ZFHX3: variants seen among roughly 807,000 people sequenced by gnomAD.
ZFHX3 encodes zinc finger homeobox 3.
In ZFHX3, 42 loss-of-function variants were observed where a neutral mutation model predicts 279.1. The observed-to-expected ratio is 0.15, with a 90% CI of 0.12 to 0.19. ZFHX3 has a LOEUF of 0.19. Among genes scored for constraint, ZFHX3 ranks in the 10% least tolerant of loss-of-function variants. The pLI, the probability that ZFHX3 is intolerant of heterozygous loss-of-function variation, is 1.00. For missense variants in ZFHX3, 4,981 were observed against 4,754.0 expected (o/e 1.05, Z -1.40); for synonymous variants, 2,293 against 1,957.8 (o/e 1.17, Z -4.52).
chr16:73,863,678 G>A (rs1488072778), intron 1 of ZFHX3, among the ~76,000 whole-genome samples: 1 of 152,152 alleles, frequency 6.6e-6, no homozygotes, highest in East Asian at 1.9e-4. Context: ...GGTCATGTGT[G>A]CATATACCTT....
intron 3 of ZFHX3, among the ~76,000 whole-genome samples, chr16:73,326,147 C>T (rs2015684401): frequency 6.6e-6 from 1 of 152,146 alleles, no homozygotes; most frequent in Non-Finnish European, 1.5e-5. Flanking sequence ...TCAGGGTCTG[C>T]AGTATTGACA....
At chr16:73,686,948 A>G (rs7187765) in intron 1 of ZFHX3, among the ~76,000 whole-genome samples, 125,713 of 142,704 alleles carry the variant, frequency 0.88, 56,778 homozygotes, top group Non-Finnish European at 0.97. Context: ...TTCCAGAGAG[A>G]CAGAGCTTAA....
chr16:72,975,677 T>A (rs1303062676), intron 1 of ZFHX3, among the ~76,000 whole-genome samples: 1 of 152,146 alleles, frequency 6.6e-6, no homozygotes, highest in Non-Finnish European at 1.5e-5. Context: ...AAAGGAAAAT[T>A]TCTTCTTGAA....
chr16:72,811,524 A>G, intron 7 of ZFHX3, 53 bp downstream of exon 7: 2 of 1,474,258 alleles, frequency 1.4e-6, no homozygotes, highest in Non-Finnish European at 1.8e-6. Context: ...ATGTTACTGC[A>G]TCACCTTTGA....
intron 4 of ZFHX3, among the ~76,000 whole-genome samples, chr16:72,833,926 T>C (rs2037124041): frequency 6.6e-6 from 1 of 152,176 alleles, no homozygotes; most frequent in Admixed American, 6.5e-5. Flanking sequence ...TTCATTTCCA[T>C]GTTCAACAGT....
At chr16:73,871,763 C>G (rs961418690) in intron 1 of ZFHX3, among the ~76,000 whole-genome samples, 4 of 152,102 alleles carry the variant, frequency 2.6e-5, no homozygotes, top group Admixed American at 6.6e-5. Context: ...CTATTAGATA[C>G]CTCTGGTGGT....
intron 3 of ZFHX3, among the ~76,000 whole-genome samples, chr16:72,949,395 G>A (rs1423886429): frequency 6.6e-6 from 1 of 152,116 alleles, no homozygotes; most frequent in African/African-American, 2.4e-5. Context: ...ATCAGGCCAG[G>A]GAGATTTATG....
chr16:73,495,984 G>A (rs2019134455), intron 2 of ZFHX3, among the ~76,000 whole-genome samples: 1 of 152,156 alleles, frequency 6.6e-6, no homozygotes, highest in African/African-American at 2.4e-5. Context: ...CACGATTTAT[G>A]GAGCCTTAAC....
chr16:72,883,259 A>G (rs1444527208), intron 4 of ZFHX3, among the ~76,000 whole-genome samples: 1 of 152,152 alleles, frequency 6.6e-6, no homozygotes, highest in Non-Finnish European at 1.5e-5. Flanking sequence ...AACTACTCCT[A>G]TCCTCTCTAT....
chr16:73,883,025 C>CT (rs61053103), intron 1 of ZFHX3, among the ~76,000 whole-genome samples: 5,527 of 140,568 alleles, frequency 0.039, 259 homozygotes, highest in African/African-American at 0.13. Context: ...TTTAGTCAAG[C>CT]TTTTTAAAAA....
chr16:72,835,168 G>A (rs2037159186), intron 4 of ZFHX3, among the ~76,000 whole-genome samples: 1 of 152,166 alleles, frequency 6.6e-6, no homozygotes, highest in African/African-American at 2.4e-5. Context: ...TTTGAGGGTG[G>A]GGGTGAAATA....
chr16:72,878,136 T>C (rs1435111860), intron 4 of ZFHX3, among the ~76,000 whole-genome samples: 1 of 152,122 alleles, frequency 6.6e-6, no homozygotes. Flanking sequence ...TGAGCCATGA[T>C]TGTGCCACTG....
chr16:73,055,680 G>C (rs72626185), intron 1 of ZFHX3, among the ~76,000 whole-genome samples: 29,859 of 94,704 alleles, frequency 0.32, 3,905 homozygotes, highest in East Asian at 0.76. Flanking sequence ...GCAGACGTAC[G>C]CGCGCGCGCG....
intron 1 of ZFHX3, among the ~76,000 whole-genome samples, chr16:73,031,374 T>A (rs1964692303): frequency 1.3e-5 from 2 of 152,124 alleles, no homozygotes; most frequent in Non-Finnish European, 2.9e-5. Context: ...TCCCGAGTGT[T>A]TCTAGCCAGT....
intron 2 of ZFHX3, among the ~76,000 whole-genome samples, chr16:73,661,593 A>G (rs1031572379): frequency 6.6e-6 from 1 of 152,038 alleles, no homozygotes; most frequent in Admixed American, 6.6e-5. Context: ...GTGGTGGTGC[A>G]TGCTTGTAAT....
chr16:73,042,401 T>C (rs1965151707), intron 1 of ZFHX3, among the ~76,000 whole-genome samples: 1 of 152,100 alleles, frequency 6.6e-6, no homozygotes, highest in Admixed American at 6.5e-5. Context: ...GCCTAACCGA[T>C]ACACTCAGAA....
At chr16:72,938,505 C>A (rs541489001) in intron 3 of ZFHX3, among the ~76,000 whole-genome samples, 3 of 152,290 alleles carry the variant, frequency 2.0e-5, no homozygotes, top group African/African-American at 7.2e-5. Flanking sequence ...AATGTGTTTG[C>A]GGGAGGCAGC....
At chr16:73,605,131 C>A (rs1039901205) in intron 2 of ZFHX3, among the ~76,000 whole-genome samples, 2 of 152,148 alleles carry the variant, frequency 1.3e-5, no homozygotes, top group Non-Finnish European at 2.9e-5. Flanking sequence ...AGAGTTTCAT[C>A]CTAAGAAACA....
At chr16:73,061,796 C>T (rs1032427814), upstream of ZFHX3, 2 of 151,934 alleles carry the variant, frequency 1.3e-5, no homozygotes, top group Non-Finnish European at 1.5e-5. Flanking sequence ...TATTTATTTT[C>T]TTTTAAAATG....
Sources: allele counts gnomAD v4.1 joint callset (sites outside exome capture counted in the v4.1 genomes callset), GRCh38; gene constraint gnomAD v4.1.1; transcripts MANE v1.5; gene names NCBI Gene and HGNC (gene_info 2026-07-23, HGNC 2026-07-21).